Variants in DCBLD2 observed in about 807,000 individuals in gnomAD.
DCBLD2 encodes the protein discoidin, CUB and LCCL domain containing 2.
DCBLD2 carries 54 observed loss-of-function variants against 86.8 expected under a neutral mutation model. That is an observed-to-expected ratio of 0.62 (90% CI 0.50 to 0.78). The LOEUF (loss-of-function observed/expected upper bound fraction) is 0.78, where lower values mean the gene tolerates loss of function less well. DCBLD2 is among the 30% of genes least tolerant of loss of function. The pLI, the probability that DCBLD2 is intolerant of heterozygous loss-of-function variation, is 0.00. For missense variants in DCBLD2, 908 were observed against 954.2 expected, an observed-to-expected ratio of 0.95 and a Z score of 0.64; for synonymous variants, 354 against 341.3, an observed-to-expected ratio of 1.04 and a Z score of -0.41.
At chr3:98,888,711 T>G (rs977806521) in intron 1 of DCBLD2, among the ~76,000 whole-genome samples, 3 of 152,158 alleles carry the variant, frequency 2.0e-5, no homozygotes, top group Admixed American at 6.6e-5. Context: ...AAGAGAACAA[T>G]GGCACATTAT....
chr3:98,870,824 A>AGGCT (rs1943269698), intron 2 of DCBLD2, among the ~76,000 whole-genome samples: 1 of 151,780 alleles, frequency 6.6e-6, no homozygotes, highest in African/African-American at 2.4e-5. Context: ...GTAGGCAGGC[A>AGGCT]TTGGTGGTAT....
At chr3:98,836,640 A>G (rs560142728) in intron 3 of DCBLD2, among the ~76,000 whole-genome samples, 98 of 124,532 alleles carry the variant, frequency 7.9e-4, no homozygotes, top group African/African-American at 2.4e-3. Flanking sequence ...CTGGCCGGGC[A>G]GAGGGGCTCC....
At position 98,839,115 on chromosome 3, in the gene DCBLD2, TTC is replaced by T. The variant is rs1210206049; in HGVS notation, c.571+10344_571+10345del. On this transcript the variant is annotated intron_variant, in intron 3 of 15. Coordinates refer to ENST00000326840, the MANE Select transcript of DCBLD2 (RefSeq NM_080927.4). Reference sequence around the variant, plus strand: ...ACCCTGTGCTCCCTTCTTTCTTTCTTTCTTTTTCTTTCTTTCCTTCCTTCCTT... The same window carrying T: ...ACCCTGTGCTCCCTTCTTTCTTTCTTTTTTTCTTTCTTTCCTTCCTTCCTT... Among the ~76,000 whole-genome samples, 40 of 103,530 alleles carry T rather than the reference TTC, an allele frequency of 3.9e-4. No homozygotes were observed. In the South Asian group the frequency reaches 4.3e-3, roughly 11 times the overall value. 67.9% of individuals were successfully genotyped at this position (103,530 alleles called of 152,430 possible). A position where few individuals can be genotyped will look rare whatever the true frequency, so the allele number is the denominator to read the frequency against.
chr3:98,854,822 C>T (rs1942903731), intron 2 of DCBLD2, among the ~76,000 whole-genome samples: 1 of 152,154 alleles, frequency 6.6e-6, no homozygotes, highest in South Asian at 2.1e-4. Context: ...GACACTTTGA[C>T]TCCTACCTCA....
chr3:98,813,571 T>C (rs278377), intron 9 of DCBLD2: 147,785 of 152,300 alleles, frequency 0.97, 71,859 homozygotes, highest in Non-Finnish European at 1. Flanking sequence ...TGCTATGCTG[T>C]TCAGGCTGGT....
intron 2 of DCBLD2, among the ~76,000 whole-genome samples, chr3:98,880,453 C>T (rs74897601): frequency 5.2e-4 from 79 of 152,298 alleles, no homozygotes; most frequent in African/African-American, 1.8e-3. Flanking sequence ...AAGAAAGGTA[C>T]TGATGCCTAA....
rs1180360808 is a variant in DCBLD2 at position 98,901,337 on chromosome 3, G to A, written c.-11C>T. ...CGCCCGGCTCGCCATCGCGGCGGCC[G>A]GCAGTCTGCCTGCATAGTGCGGGTG... On this transcript the variant is annotated 5_prime_UTR_variant, in exon 1 of 16. Transcript: ENST00000326840. 2.1e-6 allele frequency: 3 copies of A among 1,399,524 alleles called. No homozygotes were observed. The highest frequency in any genetic ancestry group is 3.1e-5 in the African/African-American group (2 of 65,428). 86.7% of individuals were successfully genotyped at this position (1,399,524 alleles called of 1,614,324 possible).
chr3:98,799,092 C>G lies in DCBLD2; in HGVS notation c.*280G>C. 1 of 277,082 alleles carries G rather than the reference C, an allele frequency of 3.6e-6. No homozygotes were observed. The highest frequency in any genetic ancestry group is 6.8e-6 in the Non-Finnish European group (1 of 146,620). 17.2% of individuals were successfully genotyped at this position (277,082 alleles called of 1,614,324 possible). ...AAATACTCTGTGATTTTTAATTTCT[C>G]TGAAGTGCATTATAGGGAGCTTTTT... On this transcript the variant is annotated 3_prime_UTR_variant, in exon 16 of 16. Coordinates refer to ENST00000326840, the MANE Select transcript of DCBLD2 (RefSeq NM_080927.4).
At position 98,801,663 on chromosome 3, in the gene DCBLD2, G is replaced by A; in HGVS notation, c.1671-14C>T. On this transcript the variant is annotated splice_polypyrimidine_tract_variant and intron_variant, in intron 13 of 15. Transcript: ENST00000326840. ...GTTTTTTTCTTTCTGGAAAAATACA[G>A]AAGAGAAGTTAGCAAACAGAGTAAA... is the stretch of plus-strand genomic sequence containing the variant. 3.1e-6 allele frequency: 5 copies of A among 1,599,042 alleles called. No homozygotes were observed. In the East Asian group the frequency reaches 1.1e-4, roughly 36 times the overall value.
intron 1 of DCBLD2, 22 bp from the exon 2 acceptor site, chr3:98,881,789 TGATA>T: frequency 6.3e-7 from 1 of 1,578,566 alleles, no homozygotes; most frequent in Non-Finnish European, 8.6e-7. Context: ...GTGAAAAGAA[TGATA>T]AATTATTCTC....
chr3:98,806,698 G>A (rs1288723325), intron 13 of DCBLD2, among the ~76,000 whole-genome samples: 1 of 152,118 alleles, frequency 6.6e-6, no homozygotes, highest in Non-Finnish European at 1.5e-5. Flanking sequence ...TCAAATACTT[G>A]TTGCATGGCT....
At chr3:98,839,175 T>TTC (rs1553727063) in intron 3 of DCBLD2, among the ~76,000 whole-genome samples, 18 of 101,622 alleles carry the variant, frequency 1.8e-4, no homozygotes, top group East Asian at 1.5e-3. Flanking sequence ...TTCTTTCCTT[T>TTC]CTTTCTTCCT....
intron 13 of DCBLD2, among the ~76,000 whole-genome samples, chr3:98,802,434 T>A (rs923467281): frequency 2.0e-5 from 3 of 152,082 alleles, no homozygotes; most frequent in Non-Finnish European, 4.4e-5. Flanking sequence ...GTTTGAGTTC[T>A]TTGTAGATTC....
chr3:98,885,309 T>A (rs1049407803), intron 1 of DCBLD2, among the ~76,000 whole-genome samples: 28 of 152,124 alleles, frequency 1.8e-4, no homozygotes, highest in African/African-American at 6.8e-4. Flanking sequence ...TCAAAAAATA[T>A]TTGACAAGTT....
chr3:98,803,315 G>A (rs917623835), intron 13 of DCBLD2, among the ~76,000 whole-genome samples: 7 of 152,156 alleles, frequency 4.6e-5, no homozygotes. Context: ...AAGCAATTGT[G>A]AATGGGAGTT....
chr3:98,812,612 C>A, intron 9 of DCBLD2, 130 bp from the exon 10 acceptor site: 1 of 667,418 alleles, frequency 1.5e-6, no homozygotes. Flanking sequence ...TAATAAGGAT[C>A]AATTTTTAAG....
chr3:98,898,043 C>A (rs977171566), intron 1 of DCBLD2, among the ~76,000 whole-genome samples: 1 of 151,868 alleles, frequency 6.6e-6, no homozygotes, highest in African/African-American at 2.4e-5. Context: ...AAAAAGTCTT[C>A]AATAAAAAAG....
At chr3:98,889,369 GCTC>G (rs1244755824) in intron 1 of DCBLD2, among the ~76,000 whole-genome samples, 1 of 151,846 alleles carries the variant, frequency 6.6e-6, no homozygotes, top group African/African-American at 2.4e-5. Flanking sequence ...AGGTTCTCAG[GCTC>G]CTATTTCCAC....
At chr3:98,901,034 T>G in intron 1 of DCBLD2, 88 bp downstream of exon 1, 3 of 1,529,430 alleles carry the variant, frequency 2.0e-6, no homozygotes, top group Non-Finnish European at 2.6e-6. Context: ...CGCGCCTCCC[T>G]GCAGCGTCTG....
Sources: gnomAD v4.1 joint callset for allele counts (sites outside exome capture counted in the v4.1 genomes callset) on GRCh38, gnomAD v4.1.1 for gene constraint, MANE v1.5 for transcripts, NCBI Gene and HGNC (gene_info 2026-07-23, HGNC 2026-07-21) for gene names.